RAF1: variants seen among roughly 807,000 people sequenced by gnomAD.
RAF1 encodes RAF proto-oncogene serine/threonine-protein kinase.
In RAF1, 27 loss-of-function variants were observed where a neutral mutation model predicts 81.1. The observed-to-expected ratio is 0.33, with a 90% confidence interval of 0.25 to 0.46. The LOEUF (loss-of-function observed/expected upper bound fraction) is 0.46, where lower values mean the gene tolerates loss of function less well. Ranked by LOEUF, RAF1 falls within the 20% of genes least tolerant of loss-of-function variation. RAF1 has a pLI of 1.00. For missense variants in RAF1, 598 were observed against 826.0 expected (o/e 0.72, Z 3.38); for synonymous variants, 298 against 294.0 (o/e 1.01, Z -0.14).
chr3:12,619,259 A>G (rs1377840444), intron 1 of RAF1, among the ~76,000 whole-genome samples: 1 of 150,684 alleles, frequency 6.6e-6, no homozygotes, highest in Non-Finnish European at 1.5e-5. Flanking sequence ...ACAAAACAAA[A>G]CAAAACAAAA....
chr3:12,597,695 G>A (rs1405475934), intron 11 of RAF1, among the ~76,000 whole-genome samples: 1 of 152,008 alleles, frequency 6.6e-6, no homozygotes, highest in Non-Finnish European at 1.5e-5. Context: ...CAGGCGGATC[G>A]CTTGAGCTCA....
intron 3 of RAF1, among the ~76,000 whole-genome samples, chr3:12,610,928 AT>A (rs2059188577): frequency 6.6e-6 from 1 of 152,152 alleles, no homozygotes; most frequent in Non-Finnish European, 1.5e-5. Flanking sequence ...TAAACCATGA[AT>A]CTTCCCTGAA....
chr3:12,663,708 G>T, intron 1 of RAF1, 105 bp downstream of exon 1: 1 of 392,054 alleles, frequency 2.6e-6, no homozygotes, highest in Non-Finnish European at 4.5e-6. Flanking sequence ...CGGCAGCCGC[G>T]GGGCCGCTCC....
chr3:12,660,714 C>T (rs536781998), intron 1 of RAF1, among the ~76,000 whole-genome samples: 267 of 152,152 alleles, frequency 1.8e-3, no homozygotes, highest in African/African-American at 6.0e-3. Flanking sequence ...CAGTGGCTCA[C>T]GCCTGTAATC....
intron 1 of RAF1, among the ~76,000 whole-genome samples, chr3:12,649,925 T>C (rs982184711): frequency 1.3e-5 from 2 of 151,786 alleles, no homozygotes; most frequent in African/African-American, 4.8e-5. Context: ...GGCAGGCAGA[T>C]CACCAGGTCA....
At chr3:12,634,804 C>T (rs1049763332) in intron 1 of RAF1, among the ~76,000 whole-genome samples, 10 of 152,094 alleles carry the variant, frequency 6.6e-5, no homozygotes, top group Non-Finnish European at 1.3e-4. Flanking sequence ...ATCCTCTCCC[C>T]TTTGGAGGAG....
At chr3:12,620,167 G>C (rs1366428232) in intron 1 of RAF1, among the ~76,000 whole-genome samples, 8 of 152,148 alleles carry the variant, frequency 5.3e-5, no homozygotes, top group African/African-American at 1.4e-4. Context: ...TTTTGAGACA[G>C]AGTCTCACTC....
At chr3:12,646,023 AAAC>A (rs1264288077) in intron 1 of RAF1, among the ~76,000 whole-genome samples, 6 of 152,228 alleles carry the variant, frequency 3.9e-5, no homozygotes, top group Admixed American at 3.9e-4. Flanking sequence ...CTTCACTTCT[AAAC>A]AACAAAGGAT....
Position 12,584,551 on chromosome 3 carries a change from C to T in RAF1, c.1970G>A (p.Cys657Tyr), listed in dbSNP as rs769639669. The stretch of plus-strand genomic sequence containing the variant: ...CAGCCTCGGGGACGTGGTCAGCGTG[C>T]AAGCATTGATATCCTCAGTGTGGGC... The change falls in exon 18 of 18, where the codon TGC (cysteine) becomes TAC (tyrosine). Residue 657 changes from cysteine to tyrosine, a missense_variant. This residue lies in a region of RAF1 where 147 missense variants were observed against 196.1 expected (regional missense o/e 0.75). Transcript: ENST00000442415. The T allele has an allele frequency of 1.2e-5, 19 of 1,614,190 alleles. No homozygotes were observed. The highest frequency in any genetic ancestry group is 1.6e-4 in the Middle Eastern group (1 of 6,062).
intron 7 of RAF1, among the ~76,000 whole-genome samples, chr3:12,603,695 G>C (rs958567833): frequency 6.6e-6 from 1 of 152,150 alleles, no homozygotes; most frequent in Non-Finnish European, 1.5e-5. Flanking sequence ...CACTAGCTTT[G>C]GGCACTTTGA....
chr3:12,585,813 A>ATAC lies in RAF1; in HGVS notation c.1478-15_1478-14insGTA. ...GGAGAAATATATCTCAATGCTTGTTAAGGACTCTGGTTTCAAAAGAATGGT... is the reference window on the plus strand; with the variant it reads ...GGAGAAATATATCTCAATGCTTGTTATACAGGACTCTGGTTTCAAAAGAATGGT... On this transcript the variant is annotated splice_polypyrimidine_tract_variant and intron_variant, in intron 14 of 17. Transcript: ENST00000442415. 1 of 1,564,794 alleles carries ATAC rather than the reference A, an allele frequency of 6.4e-7. No individual in the cohort carries two copies. The highest frequency in any genetic ancestry group is 8.8e-7 in the Non-Finnish European group (1 of 1,135,152).
intron 8 of RAF1, among the ~76,000 whole-genome samples, chr3:12,602,800 G>GT (rs1222524101): frequency 2.0e-5 from 3 of 152,164 alleles, no homozygotes; most frequent in Non-Finnish European, 2.9e-5. Flanking sequence ...TATGTTGAAA[G>GT]TGATTTGAGG....
At chr3:12,606,440 CTAGAA>C (rs1204498866) in intron 5 of RAF1, 141 bp from the exon 6 acceptor site, 10 of 698,232 alleles carry the variant, frequency 1.4e-5, no homozygotes, top group Non-Finnish European at 2.6e-5. Flanking sequence ...TTTACATTAC[CTAGAA>C]TAAAGGGAAC....
Position 12,610,779 on chromosome 3 carries a change from C to T in RAF1, c.320+1171G>A, listed in dbSNP as rs1037972464. Among the ~76,000 whole-genome samples the T allele has an allele frequency of 4.6e-5, 7 of 152,018 alleles. No homozygotes were observed. The East Asian group carries it at 1.2e-3, about 25-fold the overall frequency. On this transcript the variant is annotated intron_variant, in intron 3 of 17. Coordinates refer to ENST00000442415, the MANE Select transcript of RAF1 (RefSeq NM_001354689.3). ...TTCCAAGAAGAGGGTAAAAAAGAAC[C>T]CTTTAAAGGTTTCCCTATATTTTCG...
intron 11 of RAF1, 132 bp from the exon 11 acceptor site, chr3:12,591,924 A>AT (rs1309866755): frequency 2.7e-5 from 20 of 745,940 alleles, no homozygotes; most frequent in Non-Finnish European, 4.2e-5. Context: ...GCAAATTTCC[A>AT]ATTTTTTTTT....
intron 1 of RAF1, among the ~76,000 whole-genome samples, chr3:12,639,483 A>G (rs2060123108): frequency 6.6e-6 from 1 of 152,142 alleles, no homozygotes; most frequent in Non-Finnish European, 1.5e-5. Flanking sequence ...TCATCGTCTC[A>G]GCCCAAAATC....
At chr3:12,651,391 T>G (rs1291634258) in intron 1 of RAF1, among the ~76,000 whole-genome samples, 2 of 152,124 alleles carry the variant, frequency 1.3e-5, no homozygotes, top group Non-Finnish European at 2.9e-5. Flanking sequence ...CCCAGCACTT[T>G]GGGAGGCCGA....
At chr3:12,656,526 G>A (rs2060699617) in intron 1 of RAF1, among the ~76,000 whole-genome samples, 1 of 152,180 alleles carries the variant, frequency 6.6e-6, no homozygotes, top group Admixed American at 6.5e-5. Flanking sequence ...TTGGAGAGAT[G>A]GCAGTAGAGT....
intron 8 of RAF1, among the ~76,000 whole-genome samples, chr3:12,602,580 C>A (rs1452779153): frequency 6.6e-6 from 1 of 152,098 alleles, no homozygotes; most frequent in Non-Finnish European, 1.5e-5. Flanking sequence ...AGGTCTTGAA[C>A]TCCTGGTCGC....
Sources: gnomAD v4.1 joint callset for allele counts (sites outside exome capture counted in the v4.1 genomes callset) on GRCh38, gnomAD v4.1.1 for gene constraint, gnomAD v4.1.1 regional missense constraint, MANE v1.5 for transcripts, NCBI Gene and HGNC (gene_info 2026-07-23, HGNC 2026-07-21) for gene names.